DPP6: variants seen among roughly 807,000 people sequenced by gnomAD.
DPP6 encodes dipeptidyl peptidase like 6.
A neutral mutation model predicts 122.6 loss-of-function variants in DPP6; 69 were observed. The observed-to-expected ratio is 0.56, with a 90% CI of 0.46 to 0.69. The LOEUF (loss-of-function observed/expected upper bound fraction) is 0.69. DPP6 is among the 30% of genes least tolerant of loss of function. DPP6 has a pLI of 0.00. For synonymous variants in DPP6, 418 were observed against 433.1 expected (o/e 0.97, Z 0.43); for missense variants, 928 against 1,116.9 (o/e 0.83, Z 2.41).
chr7:154,383,643 A>G (rs896573438), intron 1 of DPP6, among the ~76,000 whole-genome samples: 6 of 152,150 alleles, frequency 3.9e-5, no homozygotes, highest in African/African-American at 1.4e-4. Flanking sequence ...TAATCCCAGC[A>G]TTTTGGGAGG....
At chr7:153,831,485 G>C in the DPP6 span, among the ~76,000 whole-genome samples, 1 of 152,152 alleles carries the variant, frequency 6.6e-6, no homozygotes, top group African/African-American at 2.4e-5. Context: ...GGCTACAGCA[G>C]GGGGTGGCAA....
chr7:153,871,855 A>G, the DPP6 span, among the ~76,000 whole-genome samples: 1 of 151,642 alleles, frequency 6.6e-6, no homozygotes, highest in South Asian at 2.1e-4. Context: ...TTCAGTATGA[A>G]CCTTCTTTTT....
intron 7 of DPP6, among the ~76,000 whole-genome samples, chr7:154,726,909 C>T (rs1842093791): frequency 6.6e-6 from 1 of 152,228 alleles, no homozygotes; most frequent in Non-Finnish European, 1.5e-5. Flanking sequence ...CCATCTCAGC[C>T]TGGACTTCAT....
chr7:154,591,764 C>G (rs1832820163), intron 5 of DPP6, among the ~76,000 whole-genome samples: 1 of 152,226 alleles, frequency 6.6e-6, no homozygotes, highest in South Asian at 2.1e-4. Context: ...GCTGCAGGCC[C>G]TGGCTGGGTT....
chr7:153,858,661 C>G, the DPP6 span, among the ~76,000 whole-genome samples: 3 of 152,208 alleles, frequency 2.0e-5, no homozygotes, highest in Non-Finnish European at 4.4e-5. Context: ...ATTAAATCCA[C>G]TGCTGTCATC....
At position 154,877,546 on chromosome 7, in the gene DPP6, C is replaced by T. The variant is rs1031967915; in HGVS notation, c.2078+1446C>T. ...ACGACCCAGGCTCTCTCCGTCTCTC[C>T]GCCCAGCCAGCCATGATGGTCTCAT... On this transcript the variant is annotated intron_variant, in intron 20 of 25. Coordinates refer to ENST00000377770, the MANE Select transcript of DPP6 (RefSeq NM_130797.4). This position sits in a 1 kb window ranked among gnomAD's most constrained non-coding sequence, Gnocchi z 5.2. Among the ~76,000 whole-genome samples the T allele has an allele frequency of 5.3e-5, 8 of 152,194 alleles. No homozygotes were observed. Among genetic ancestry groups the T allele is most frequent in the Non-Finnish European group, 8.8e-5 (6 of 68,034 alleles).
chr7:154,554,806 T>C (rs967919081), intron 4 of DPP6, among the ~76,000 whole-genome samples: 7 of 152,152 alleles, frequency 4.6e-5, no homozygotes, highest in African/African-American at 1.7e-4. Flanking sequence ...ACCAAAATCA[T>C]AATATGCTAA....
At chr7:154,401,374 G>T (rs6978856) in intron 1 of DPP6, among the ~76,000 whole-genome samples, 3 of 152,052 alleles carry the variant, frequency 2.0e-5, no homozygotes, top group Admixed American at 6.5e-5. Context: ...CCAGAATCCC[G>T]TGGCTTAACT....
At chr7:154,060,716 G>A (rs1274823296) in intron 1 of DPP6, among the ~76,000 whole-genome samples, 18 of 126,792 alleles carry the variant, frequency 1.4e-4, no homozygotes, top group South Asian at 2.6e-4. Context: ...CCCCATCGCA[G>A]GGGGGGAGGC....
chr7:154,219,509 T>C (rs1465222779), intron 1 of DPP6, among the ~76,000 whole-genome samples: 1 of 152,184 alleles, frequency 6.6e-6, no homozygotes, highest in African/African-American at 2.4e-5. Context: ...AGCTTACCCA[T>C]TGAAGAGTTT....
intron 1 of DPP6, among the ~76,000 whole-genome samples, chr7:154,121,068 G>T (rs71532659): frequency 0.028 from 4,275 of 152,190 alleles, 194 homozygotes; most frequent in African/African-American, 0.097. Flanking sequence ...CGACTCTCAT[G>T]CCCTCTCTTG....
chr7:154,030,071 C>T (rs543235013), intron 1 of DPP6, among the ~76,000 whole-genome samples: 1 of 152,046 alleles, frequency 6.6e-6, no homozygotes, highest in Non-Finnish European at 1.5e-5. Flanking sequence ...CGGCGCACAC[C>T]TGTAGTTCCA....
chr7:154,424,131 C>G (rs1196786830), intron 1 of DPP6, among the ~76,000 whole-genome samples: 2 of 152,180 alleles, frequency 1.3e-5, no homozygotes, highest in African/African-American at 4.8e-5. Context: ...TACCATAGGC[C>G]TAGAAACCTT....
At chr7:154,257,552 G>A (rs985888168) in intron 1 of DPP6, among the ~76,000 whole-genome samples, 1 of 152,042 alleles carries the variant, frequency 6.6e-6, no homozygotes, top group African/African-American at 2.4e-5. Flanking sequence ...AAAAAAATTA[G>A]TGGTTGTGGT....
At chr7:154,413,744 A>T (rs147483807) in intron 1 of DPP6, among the ~76,000 whole-genome samples, 2,237 of 152,260 alleles carry the variant, frequency 0.015, 21 homozygotes, top group Middle Eastern at 0.031. Context: ...AAAATTCAGT[A>T]ACCAATTATT....
At chr7:153,880,883 C>A in the DPP6 span, among the ~76,000 whole-genome samples, 1 of 152,158 alleles carries the variant, frequency 6.6e-6, no homozygotes, top group Non-Finnish European at 1.5e-5. Flanking sequence ...GAACATAAAT[C>A]ATTTCTTTCA....
intron 1 of DPP6, among the ~76,000 whole-genome samples, chr7:153,964,059 G>A (rs1170616827): frequency 5.3e-5 from 8 of 152,084 alleles, no homozygotes; most frequent in African/African-American, 9.7e-5. Context: ...GCAGTGGTGC[G>A]ATCTCAGCTC....
intron 1 of DPP6, among the ~76,000 whole-genome samples, chr7:153,911,970 T>C (rs1800109315): frequency 2.0e-5 from 3 of 152,248 alleles, no homozygotes; most frequent in Admixed American, 2.0e-4. Context: ...GAAGTACTTA[T>C]CTGAAAACTT....
rs1804613375 is a variant in DPP6, at chr7:154,282,847, A to G, written c.244-163367A>G. On this transcript the variant is annotated intron_variant, in intron 1 of 25. Transcript: ENST00000377770. This position sits in a 1 kb window ranked among gnomAD's most constrained non-coding sequence, Gnocchi z 4.8. The stretch of plus-strand genomic sequence containing the variant: ...AGGCCCATTTATAACAAGAGGTTGA[A>G]GGAGAGATTGCCACTCTTTGGAGCC... Among the ~76,000 whole-genome samples, 1 of 152,162 alleles carries G rather than the reference A, an allele frequency of 6.6e-6. No individual in the cohort carries two copies. Among genetic ancestry groups the G allele is most frequent in the Non-Finnish European group, 1.5e-5 (1 of 68,010 alleles).
Sources: allele counts gnomAD v4.1 joint callset (sites outside exome capture counted in the v4.1 genomes callset), GRCh38; gene constraint gnomAD v4.1.1; non-coding constraint Gnocchi (gnomAD v3.1); transcripts MANE v1.5; gene names NCBI Gene and HGNC (gene_info 2026-07-23, HGNC 2026-07-21).